CCDC73: variants seen among roughly 807,000 people sequenced by gnomAD.
The protein encoded by CCDC73 is coiled-coil domain containing 73.
Under a neutral mutation model 116.5 loss-of-function variants are expected in CCDC73, and 95 were observed. That is an observed-to-expected ratio of 0.82 (90% CI 0.69 to 0.97). The LOEUF (loss-of-function observed/expected upper bound fraction) is 0.97, where lower values mean the gene tolerates loss of function less well. Ranked by LOEUF, CCDC73 falls within the 50% of genes least tolerant of loss-of-function variation. The pLI is 0.00. For synonymous variants in CCDC73, 398 were observed against 401.3 expected, an observed-to-expected ratio of 0.99 and a Z score of 0.10; for missense variants, 1,066 against 1,206.8, an observed-to-expected ratio of 0.88 and a Z score of 1.73.
chr11:32,690,185 T>C (rs1455124005), intron 6 of CCDC73, among the ~76,000 whole-genome samples: 9 of 152,100 alleles, frequency 5.9e-5, no homozygotes, highest in African/African-American at 2.2e-4. Flanking sequence ...TCCCAAAAAA[T>C]ATATTAATTT....
At chr11:32,804,295 C>A in the CCDC73 span, among the ~76,000 whole-genome samples, 1 of 152,120 alleles carries the variant, frequency 6.6e-6, no homozygotes, top group South Asian at 2.1e-4. Context: ...CACACCACAA[C>A]GCTCCGCTAA....
At chr11:32,797,901 T>C (rs1041221907), upstream of CCDC73, among the ~76,000 whole-genome samples, 89 of 152,214 alleles carry the variant, frequency 5.8e-4, 1 homozygote, top group Admixed American at 5.8e-3. Flanking sequence ...CAATCCTAAA[T>C]GTTCCAAAAT....
At position 32,666,217 on chromosome 11, in the gene CCDC73, G is replaced by A. The variant is rs142434722; in HGVS notation, c.645+9348C>T. Among the ~76,000 whole-genome samples the A allele has an allele frequency of 7.1e-3, 1,088 of 152,258 alleles. 15 individuals carry two copies. The highest frequency in any genetic ancestry group is 0.025 in the African/African-American group (1,048 of 41,534). On this transcript the variant is annotated intron_variant, in intron 9 of 17. Transcript: ENST00000335185. ...TTTGAATGTTGGCCTGCCTTGCTAG[G>A]TTGGGGAAGTTCTCCTGGATAATAC...
intron 13 of CCDC73, among the ~76,000 whole-genome samples, chr11:32,639,423 TCAA>T (rs1855712556): frequency 2.0e-5 from 3 of 152,038 alleles, no homozygotes; most frequent in African/African-American, 7.2e-5. Context: ...TAGTATATGC[TCAA>T]TAAGTGTTGT....
At chr11:32,811,092 T>TAA in the CCDC73 span, among the ~76,000 whole-genome samples, 4 of 130,636 alleles carry the variant, frequency 3.1e-5, no homozygotes, top group South Asian at 2.5e-4. Context: ...AAAAAAAACC[T>TAA]CTTCTGAGAT....
At chr11:32,708,115 T>C (rs1014167580) in intron 3 of CCDC73, among the ~76,000 whole-genome samples, 1 of 152,236 alleles carries the variant, frequency 6.6e-6, no homozygotes, top group African/African-American at 2.4e-5. Context: ...TTCATTCTTT[T>C]ACATGTGGCT....
intron 9 of CCDC73, among the ~76,000 whole-genome samples, chr11:32,663,395 C>G (rs888198815): frequency 1.3e-5 from 2 of 152,328 alleles, no homozygotes; most frequent in East Asian, 1.9e-4. Context: ...AGAGGTCCTT[C>G]ACATCCCTTG....
At position 32,731,329 on chromosome 11, in the gene CCDC73, T is replaced by A. The variant is rs556426731; in HGVS notation, c.136-13182A>T. ...GTTCATGGAGGCCTGCCTGCCTCTG[T>A]AGACTCCACCTCTGGGGGCAGGGCA... On this transcript the variant is annotated intron_variant, in intron 2 of 17. Transcript: ENST00000335185. 2.6e-5 allele frequency among the ~76,000 whole-genome samples: 4 copies of A among 152,312 alleles called. No homozygotes were observed. The South Asian group carries it at 8.3e-4, about 32-fold the overall frequency.
intron 1 of CCDC73, among the ~76,000 whole-genome samples, chr11:32,775,311 G>A (rs1850524511): frequency 6.6e-6 from 1 of 152,052 alleles, no homozygotes; most frequent in Non-Finnish European, 1.5e-5. Flanking sequence ...CTTCTGTCTG[G>A]AATGCTCTAT....
Position 32,763,519 on chromosome 11 carries a change from T to G in CCDC73, c.-15-3261A>C, listed in dbSNP as rs1264260692. Among the ~76,000 whole-genome samples, 3 of 152,204 alleles carry G rather than the reference T, an allele frequency of 2.0e-5. No individual in the cohort carries two copies. The East Asian group carries it at 5.8e-4, about 29-fold the overall frequency. ...TACCTGAAAGGGTCTTGAGTGGACC[T>G]CCAGCAAACTCCAACAGACCTGCAG... On this transcript the variant is annotated intron_variant, in intron 1 of 17. Coordinates refer to ENST00000335185, the MANE Select transcript of CCDC73 (RefSeq NM_001008391.4).
intron 14 of CCDC73, among the ~76,000 whole-genome samples, chr11:32,617,915 C>A (rs1200674397): frequency 6.6e-6 from 1 of 152,126 alleles, no homozygotes; most frequent in African/African-American, 2.4e-5. Context: ...TAAGGGTATA[C>A]ATGTGCAGGT....
intron 1 of CCDC73, among the ~76,000 whole-genome samples, chr11:32,766,465 A>G (rs1850443125): frequency 6.6e-6 from 1 of 152,212 alleles, no homozygotes; most frequent in African/African-American, 2.4e-5. Flanking sequence ...CAGGGCAATC[A>G]GGCAGGAGAA....
chr11:32,745,723 T>TTTGG (rs1565091464), intron 2 of CCDC73, among the ~76,000 whole-genome samples: 1 of 142,794 alleles, frequency 7.0e-6, no homozygotes, highest in South Asian at 2.2e-4. Context: ...GTTTTTGTTT[T>TTTGG]TTTGTTTGTT....
chr11:32,820,796 C>G, the CCDC73 span, among the ~76,000 whole-genome samples: 15,633 of 152,118 alleles, frequency 0.1, 849 homozygotes, highest in Non-Finnish European at 0.13. Context: ...AACAAAAAAA[C>G]TTATTTAAAT....
At chr11:32,801,062 G>A in the CCDC73 span, among the ~76,000 whole-genome samples, 3 of 152,048 alleles carry the variant, frequency 2.0e-5, no homozygotes, top group African/African-American at 4.8e-5. Flanking sequence ...CCTCATATAG[G>A]CAGCGAGATT....
rs1324638908 is a variant in CCDC73, at chr11:32,602,834, C to G, written c.3217G>C (p.Glu1073Gln). 2 of 1,597,704 alleles carry G rather than the reference C, an allele frequency of 1.3e-6. No homozygotes were observed. Among genetic ancestry groups the G allele is most frequent in the African/African-American group, 2.7e-5 (2 of 73,740 alleles). ...CATTATTTTAATCTGTTGTTTTTTT[C>G]CAACGTCTCTTCTGCTTTTCTTTTC... ...PKKRKAEETL[E>Q]KNNRLK The change falls in exon 18 of 18, where the codon GAA (glutamate) becomes CAA (glutamine). Residue 1073 changes from glutamate to glutamine, a missense_variant. By Grantham distance (29) the Glu-to-Gln change is conservative. Transcript: ENST00000335185.
At chr11:32,782,955 C>A (rs1347410254) in intron 1 of CCDC73, among the ~76,000 whole-genome samples, 1 of 151,396 alleles carries the variant, frequency 6.6e-6, no homozygotes, top group African/African-American at 2.4e-5. Flanking sequence ...TCCAGAAGTC[C>A]CAATAACTGT....
At chr11:32,638,498 T>C (rs1015924947) in intron 13 of CCDC73, among the ~76,000 whole-genome samples, 3 of 152,162 alleles carry the variant, frequency 2.0e-5, no homozygotes, top group African/African-American at 7.2e-5. Flanking sequence ...TTTTTATTTT[T>C]TGAGACAGAG....
At chr11:32,694,352 T>C (rs1025789510) in intron 6 of CCDC73, among the ~76,000 whole-genome samples, 20 of 152,038 alleles carry the variant, frequency 1.3e-4, no homozygotes, top group Non-Finnish European at 1.9e-4. Flanking sequence ...AGGAATCCAA[T>C]TTACAAGGGA....
Sources: gnomAD v4.1 joint callset for allele counts (sites outside exome capture counted in the v4.1 genomes callset) on GRCh38, gnomAD v4.1.1 for gene constraint, MANE v1.5 for transcripts, NCBI Gene and HGNC (gene_info 2026-07-23, HGNC 2026-07-21) for gene names.